Variants in PES1 observed in about 807,000 individuals in gnomAD.
PES1 encodes the protein pescadillo homolog.
Under a neutral mutation model 77.1 loss-of-function variants are expected in PES1, and 31 were observed. That is an observed-to-expected ratio of 0.40 (90% confidence interval 0.30 to 0.54). The LOEUF (loss-of-function observed/expected upper bound fraction) is 0.54. PES1 is among the 20% of genes least tolerant of loss of function. The probability of loss-of-function intolerance (pLI) is 0.45; values close to 1 mark genes in which losing one functional copy is unlikely to be tolerated. For missense variants in PES1, 658 were observed against 771.7 expected, an observed-to-expected ratio of 0.85 and a Z score of 1.75; for synonymous variants, 282 against 303.0, an observed-to-expected ratio of 0.93 and a Z score of 0.72.
chr22:30,603,234 C>G (rs2087385299), intron 2 of PES1, among the ~76,000 whole-genome samples: 2 of 152,052 alleles, frequency 1.3e-5, no homozygotes. Context: ...TTTAAACTCA[C>G]AGGCCCCCTA....
At chr22:30,596,182 T>C (rs1185098198), upstream of PES1, among the ~76,000 whole-genome samples, 1 of 152,230 alleles carries the variant, frequency 6.6e-6, no homozygotes, top group African/African-American at 2.4e-5. Context: ...TTTTTCTACC[T>C]GCTTTAAGTC....
chr22:30,602,553 T>C (rs1043386017), intron 2 of PES1, among the ~76,000 whole-genome samples: 3 of 151,822 alleles, frequency 2.0e-5, no homozygotes, highest in Non-Finnish European at 4.4e-5. Context: ...TTCCTTTTTT[T>C]CTTTTCTTTT....
intron 10 of PES1, 145 bp downstream of exon 10, chr22:30,580,426 A>C (rs1350103754): frequency 4.3e-6 from 5 of 1,166,544 alleles, no homozygotes. Flanking sequence ...CTATGTGCTC[A>C]GTGCGGTGCC....
chr22:30,602,303 T>C (rs1012003432), intron 2 of PES1, among the ~76,000 whole-genome samples: 2 of 152,198 alleles, frequency 1.3e-5, no homozygotes, highest in African/African-American at 4.8e-5. Context: ...AGAAGGTGCT[T>C]GCTTCCCCTT....
At chr22:30,604,509 T>A (rs2087406644) in intron 2 of PES1, among the ~76,000 whole-genome samples, 1 of 152,070 alleles carries the variant, frequency 6.6e-6, no homozygotes. Flanking sequence ...GGCGCATGCC[T>A]GTGATGTCAG....
intron 2 of PES1, among the ~76,000 whole-genome samples, chr22:30,600,968 C>T (rs1486534616): frequency 3.3e-5 from 5 of 152,212 alleles, no homozygotes; most frequent in Admixed American, 6.5e-5. Flanking sequence ...CAGGGTTTAT[C>T]CATGTGGATT....
intron 12 of PES1, 57 bp downstream of exon 12, chr22:30,579,694 G>C (rs570648503): frequency 6.5e-7 from 1 of 1,535,160 alleles, no homozygotes; most frequent in Non-Finnish European, 8.9e-7. Context: ...TGGCAGCTAA[G>C]GGAAACAGCC....
At chr22:30,593,663 T>C (rs975780068), upstream of PES1, among the ~76,000 whole-genome samples, 35 of 152,182 alleles carry the variant, frequency 2.3e-4, no homozygotes, top group Admixed American at 2.2e-3. Flanking sequence ...AGAACCATGT[T>C]TGCAGAAAGT....
intron 4 of PES1, chr22:30,585,237 T>C (rs965001779): frequency 6.4e-6 from 3 of 471,142 alleles, no homozygotes; most frequent in African/African-American, 4.0e-5. Context: ...CCCTTGGACA[T>C]GTCTAGTTGG....
upstream of PES1, chr22:30,592,249 G>A: frequency 4.0e-6 from 4 of 1,009,296 alleles, no homozygotes; most frequent in South Asian, 1.8e-4. Context: ...TCCATGGTGC[G>A]CGATAGGATT....
rs780173929 is a variant in PES1, at chr22:30,588,189, C to G, written c.105-15G>C. On this transcript the variant is annotated splice_polypyrimidine_tract_variant and intron_variant, in intron 2 of 14. Transcript: ENST00000354694. ...TGCACAGCCGCCTGGAAGACAGAGG[C>G]CATCTGTTATGTCAGTTATGTGGGT... is the stretch of plus-strand genomic sequence containing the variant. 2.0e-5 allele frequency: 33 copies of G among 1,613,974 alleles called. No individual in the cohort carries two copies. The highest frequency in any genetic ancestry group is 2.6e-5 in the Non-Finnish European group (31 of 1,179,992).
At chr22:30,606,810 TGACCACTGCA>T in exon 1 of PES1, 1 of 995,764 alleles carries the variant, frequency 1.0e-6, no homozygotes, top group Non-Finnish European at 1.2e-6. Context: ...GCTGCTCACG[TGACCACTGCA>T]GCTGCAGCTC....
At chr22:30,583,211 C>T (rs890285737) in intron 6 of PES1, among the ~76,000 whole-genome samples, 1 of 152,138 alleles carries the variant, frequency 6.6e-6, no homozygotes, top group African/African-American at 2.4e-5. Context: ...GAAGGGCCAC[C>T]CACACGTGCC....
chr22:30,581,492 G>C, intron 7 of PES1, 36 bp downstream of exon 7: 1 of 1,604,098 alleles, frequency 6.2e-7, no homozygotes, highest in South Asian at 1.1e-5. Context: ...TGTGGCCCCT[G>C]CACGGCGAGC....
intron 2 of PES1, among the ~76,000 whole-genome samples, chr22:30,599,127 T>C (rs890822445): frequency 6.6e-6 from 1 of 151,990 alleles, no homozygotes; most frequent in Non-Finnish European, 1.5e-5. Context: ...CTCAAACTCC[T>C]GACAAGTGAT....
intron 10 of PES1, 132 bp downstream of exon 10, chr22:30,580,439 G>A: frequency 1.6e-6 from 2 of 1,286,718 alleles, no homozygotes; most frequent in African/African-American, 1.5e-5. Context: ...GCGGTGCCGA[G>A]CACTTTCCAC....
chr22:30,578,447 G>C (rs2086933321), intron 14 of PES1, among the ~76,000 whole-genome samples: 1 of 152,172 alleles, frequency 6.6e-6, no homozygotes, highest in African/African-American at 2.4e-5. Flanking sequence ...GGGTGCATGA[G>C]TTTGTATTTT....
chr22:30,591,865 G>C lies in PES1; in HGVS notation c.-32C>G. On this transcript the variant is annotated 5_prime_UTR_variant, in exon 1 of 15. Coordinates refer to ENST00000354694, the MANE Select transcript of PES1 (RefSeq NM_014303.4). ...ACGTTGAGGAGCCGACTAGGGCCGCGCGTACAGGGAGCTCCACTTCCTCCC... is the reference window on the plus strand; with the variant it reads ...ACGTTGAGGAGCCGACTAGGGCCGCCCGTACAGGGAGCTCCACTTCCTCCC... 2 of 1,544,964 alleles carry C rather than the reference G, an allele frequency of 1.3e-6. No individual in the cohort carries two copies. Among genetic ancestry groups the C allele is most frequent in the East Asian group, 2.5e-5 (1 of 40,566 alleles).
intron 2 of PES1, among the ~76,000 whole-genome samples, chr22:30,603,322 A>AT (rs1239653463): frequency 6.6e-6 from 1 of 151,764 alleles, no homozygotes; most frequent in Non-Finnish European, 1.5e-5. Flanking sequence ...TTTTTTTATG[A>AT]TTTTATCTTT....
Sources: allele counts gnomAD v4.1 joint callset (sites outside exome capture counted in the v4.1 genomes callset), GRCh38; gene constraint gnomAD v4.1.1; transcripts MANE v1.5; gene names NCBI Gene and HGNC (gene_info 2026-07-23, HGNC 2026-07-21).